RBFOX2: variants seen among roughly 807,000 people sequenced by gnomAD.
RBFOX2 encodes RNA binding fox-1 homolog 2, also known as RNA binding protein fox-1 homolog 2.
Under a neutral mutation model 49.1 loss-of-function variants are expected in RBFOX2, and 10 were observed. That is an observed-to-expected ratio of 0.20 (90% CI 0.13 to 0.35). The LOEUF (loss-of-function observed/expected upper bound fraction) is 0.35, where lower values mean the gene tolerates loss of function less well. RBFOX2 is among the 10% of genes least tolerant of loss of function. The pLI is 1.00. For missense variants in RBFOX2, 323 were observed against 486.9 expected, an observed-to-expected ratio of 0.66 and a Z score of 3.17; for synonymous variants, 183 against 187.4, an observed-to-expected ratio of 0.98 and a Z score of 0.19.
chr22:35,878,620 T>C (rs535298158), intron 1 of RBFOX2, among the ~76,000 whole-genome samples: 4 of 152,304 alleles, frequency 2.6e-5, no homozygotes, highest in African/African-American at 9.6e-5. Context: ...AAACTTGCTT[T>C]TGTAGAGATA....
intron 1 of RBFOX2, among the ~76,000 whole-genome samples, chr22:35,971,042 A>C (rs1468376823): frequency 6.6e-6 from 1 of 152,120 alleles, no homozygotes; most frequent in East Asian, 1.9e-4. Flanking sequence ...GGCACAAAAG[A>C]ACAATTCATA....
At chr22:35,963,161 T>C (rs1330530874), upstream of RBFOX2, among the ~76,000 whole-genome samples, 3 of 149,372 alleles carry the variant, frequency 2.0e-5, no homozygotes, top group Non-Finnish European at 4.4e-5. Context: ...TTAGAACAAT[T>C]AGAGAAGTCA....
chr22:36,011,484 GA>G (rs970549550), intron 1 of RBFOX2, among the ~76,000 whole-genome samples: 3 of 151,806 alleles, frequency 2.0e-5, no homozygotes, highest in Non-Finnish European at 4.4e-5. Flanking sequence ...CTAATAAATA[GA>G]AAAAAATATA....
At chr22:36,003,082 A>G (rs1484528489) in intron 1 of RBFOX2, among the ~76,000 whole-genome samples, 1 of 152,160 alleles carries the variant, frequency 6.6e-6, no homozygotes, top group African/African-American at 2.4e-5. Flanking sequence ...TCAAACTTCA[A>G]CTTTGTCTTC....
Position 35,781,514 on chromosome 22 carries a change from C to T in RBFOX2, c.399+86G>A, listed in dbSNP as rs182562345. The T allele has an allele frequency of 2.7e-6, 4 of 1,488,674 alleles. No homozygotes were observed. The South Asian group carries it at 3.9e-5, about 14-fold the overall frequency. 92.2% of individuals were successfully genotyped at this position (1,488,674 alleles called of 1,614,324 possible). A position where few individuals can be genotyped will look rare whatever the true frequency, so the allele number is the denominator to read the frequency against. ...TCTTTCAATCTATTTGTAGTTTAAT[C>T]CTAAAGTAATAATGACTAATAACAC... On this transcript the variant is annotated intron_variant, in intron 3 of 11. Coordinates refer to ENST00000405409, the Ensembl canonical transcript of RBFOX2.
At chr22:35,821,894 G>C (rs200080832) in intron 1 of RBFOX2, 30 of 518,890 alleles carry the variant, frequency 5.8e-5, no homozygotes, top group Non-Finnish European at 9.6e-5. Flanking sequence ...TGACCAAAAG[G>C]GGGAGGAGCA....
At chr22:35,761,443 T>C (rs745591547) in exon 7 of RBFOX2, 2 of 1,614,174 alleles carry the variant, frequency 1.2e-6, no homozygotes, top group East Asian at 2.2e-5. Flanking sequence ...CATATACAGC[T>C]CCAACTACTG....
intron 1 of RBFOX2, among the ~76,000 whole-genome samples, chr22:35,955,943 C>T (rs745699802): frequency 9.9e-5 from 15 of 152,262 alleles, no homozygotes; most frequent in African/African-American, 1.2e-4. Context: ...AGCCTTTTCG[C>T]CTATCTCTAG....
At chr22:35,847,172 A>G (rs964340437) in intron 1 of RBFOX2, among the ~76,000 whole-genome samples, 7 of 152,304 alleles carry the variant, frequency 4.6e-5, no homozygotes, top group Admixed American at 1.3e-4. Flanking sequence ...ATTTTAAACT[A>G]ATTTGGCCAG....
intron 1 of RBFOX2, among the ~76,000 whole-genome samples, chr22:35,974,087 G>C (rs559193265): frequency 9.9e-5 from 15 of 152,268 alleles, no homozygotes; most frequent in African/African-American, 3.4e-4. Flanking sequence ...CTTCAAATTA[G>C]GCACAGAGAA....
chr22:35,904,873 T>G (rs563366607), intron 1 of RBFOX2, among the ~76,000 whole-genome samples: 1 of 152,316 alleles, frequency 6.6e-6, no homozygotes, highest in Admixed American at 6.5e-5. Flanking sequence ...TTCAGTTACT[T>G]AATACTAGCC....
At chr22:35,953,838 C>T (rs764699297) in intron 1 of RBFOX2, among the ~76,000 whole-genome samples, 2 of 152,010 alleles carry the variant, frequency 1.3e-5, no homozygotes, top group African/African-American at 2.4e-5. Context: ...CTCTGGAAAA[C>T]TGAAGATTCA....
At chr22:35,848,568 T>A (rs1304006319) in intron 1 of RBFOX2, among the ~76,000 whole-genome samples, 1 of 152,210 alleles carries the variant, frequency 6.6e-6, no homozygotes, top group African/African-American at 2.4e-5. Flanking sequence ...AGCTTGGGCC[T>A]TTAGGCCCAA....
chr22:35,747,243 A>C (rs1461661584), intron 9 of RBFOX2: 1 of 152,244 alleles, frequency 6.6e-6, no homozygotes, highest in Non-Finnish European at 1.5e-5. Context: ...CCCTTTACGG[A>C]AAGTTTGCCA....
At chr22:35,896,615 T>C (rs948718697) in intron 1 of RBFOX2, among the ~76,000 whole-genome samples, 3 of 152,180 alleles carry the variant, frequency 2.0e-5, no homozygotes, top group African/African-American at 7.2e-5. Flanking sequence ...CCTCTTAGGG[T>C]AGAAATAGAA....
chr22:35,851,984 T>C (rs1233981111), intron 1 of RBFOX2, among the ~76,000 whole-genome samples: 1 of 152,124 alleles, frequency 6.6e-6, no homozygotes, highest in African/African-American at 2.4e-5. Flanking sequence ...GATTATAATA[T>C]ACAGTCAGCC....
intron 1 of RBFOX2, among the ~76,000 whole-genome samples, chr22:35,943,994 T>C (rs1287211004): frequency 6.6e-6 from 1 of 152,266 alleles, no homozygotes; most frequent in East Asian, 1.9e-4. Flanking sequence ...CTGACTTTTA[T>C]ATTCTTCTTT....
At chr22:35,990,098 G>A (rs1168528776) in intron 1 of RBFOX2, among the ~76,000 whole-genome samples, 11 of 152,070 alleles carry the variant, frequency 7.2e-5, no homozygotes, top group Admixed American at 1.3e-4. Flanking sequence ...CAGAAGAATC[G>A]CTTCAACTCA....
At chr22:35,806,133 T>G (rs187680374) in intron 2 of RBFOX2, among the ~76,000 whole-genome samples, 1 of 152,264 alleles carries the variant, frequency 6.6e-6, no homozygotes, top group East Asian at 1.9e-4. Flanking sequence ...CTTTAGGTGA[T>G]AAAGATGTAT....
Sources: allele counts gnomAD v4.1 joint callset (sites outside exome capture counted in the v4.1 genomes callset), GRCh38; gene constraint gnomAD v4.1.1; transcripts MANE v1.5; gene names NCBI Gene and HGNC (gene_info 2026-07-23, HGNC 2026-07-21).